METTL15: variants seen among roughly 807,000 people sequenced by gnomAD.
METTL15 encodes methyltransferase 15, mitochondrial 12S rRNA N4-cytidine, also known as 12S rRNA N(4)-cytidine methyltransferase METTL15.
A neutral mutation model predicts 38.3 loss-of-function variants in METTL15; 34 were observed. The observed-to-expected ratio is 0.89, with a 90% CI of 0.68 to 1.18. The LOEUF (loss-of-function observed/expected upper bound fraction) is 1.18. Ranked by LOEUF, METTL15 falls within the 50% of genes most tolerant of loss-of-function variation. METTL15 has a pLI of 0.00. For synonymous variants in METTL15, 162 were observed against 170.9 expected (o/e 0.95, Z 0.41); for missense variants, 438 against 498.4 (o/e 0.88, Z 1.15).
At chr11:28,238,326 C>T (rs879622424) in intron 4 of METTL15, among the ~76,000 whole-genome samples, 1 of 152,326 alleles carries the variant, frequency 6.6e-6, no homozygotes, top group South Asian at 2.1e-4. Flanking sequence ...GCCCCTCCCC[C>T]AGCCTGGCTG....
At chr11:28,190,992 C>A (rs1240145561) in intron 3 of METTL15, among the ~76,000 whole-genome samples, 1 of 151,266 alleles carries the variant, frequency 6.6e-6, no homozygotes, top group Non-Finnish European at 1.5e-5. Flanking sequence ...ACTGAGCCTA[C>A]TAATAAGTTT....
chr11:28,374,397 T>A (rs945889507), intron 5 of METTL15, among the ~76,000 whole-genome samples: 53 of 151,926 alleles, frequency 3.5e-4, no homozygotes, highest in African/African-American at 5.1e-4. Context: ...TGTAAGTTGG[T>A]TTCCTAGGTA....
chr11:28,219,072 A>C (rs1481726604), intron 4 of METTL15, among the ~76,000 whole-genome samples: 1 of 152,210 alleles, frequency 6.6e-6, no homozygotes, highest in African/African-American at 2.4e-5. Context: ...TGCTGGCCTC[A>C]TAAAATGAGT....
chr11:28,117,133 A>G (rs1216964387), intron 3 of METTL15, among the ~76,000 whole-genome samples: 3 of 151,964 alleles, frequency 2.0e-5, no homozygotes, highest in African/African-American at 7.3e-5. Context: ...GGTAACAATT[A>G]AAATCCATAC....
At chr11:28,214,374 G>A (rs1191228374) in intron 4 of METTL15, among the ~76,000 whole-genome samples, 1 of 152,018 alleles carries the variant, frequency 6.6e-6, no homozygotes, top group Non-Finnish European at 1.5e-5. Context: ...AAAGGAAAAA[G>A]GTCTAAGTTT....
chr11:28,155,208 T>C (rs1213421012), intron 3 of METTL15, among the ~76,000 whole-genome samples: 1 of 152,188 alleles, frequency 6.6e-6, no homozygotes, highest in Non-Finnish European at 1.5e-5. Context: ...TTAGATCCAA[T>C]ACATCCCCAT....
intron 3 of METTL15, among the ~76,000 whole-genome samples, chr11:28,133,694 A>T (rs1307356339): frequency 6.6e-6 from 1 of 152,132 alleles, no homozygotes; most frequent in East Asian, 1.9e-4. Context: ...AGGCCTATGT[A>T]GAGTGGAATT....
chr11:28,323,528 A>G (rs1849537275), intron 6 of METTL15, among the ~76,000 whole-genome samples: 1 of 152,202 alleles, frequency 6.6e-6, no homozygotes, highest in South Asian at 2.1e-4. Flanking sequence ...ACTCAGGGCT[A>G]TGAAGGTAGA....
chr11:28,483,558 A>G (rs1183795932), intron 6 of METTL15, among the ~76,000 whole-genome samples: 1 of 152,106 alleles, frequency 6.6e-6, no homozygotes, highest in African/African-American at 2.4e-5. Context: ...GGGATCTGCA[A>G]ACTTTCTCTG....
rs79857126 is a variant in METTL15, at chr11:28,511,238, A to C, written c.*425-15240A>C. On this transcript the variant is annotated intron_variant and NMD_transcript_variant, in intron 6 of 7. Transcript: ENST00000532947. The stretch of plus-strand genomic sequence containing the variant: ...ATGTTTAAATTTTGACTCTCCCCAA[A>C]ACTTAACTACTAATAGCCTGGTGTT... Among the ~76,000 whole-genome samples, 591 of 152,256 alleles carry C rather than the reference A, an allele frequency of 3.9e-3. 6 individuals are homozygous for C. Among genetic ancestry groups the C allele is most frequent in the African/African-American group, 0.014 (561 of 41,536 alleles).
downstream of METTL15, among the ~76,000 whole-genome samples, chr11:28,531,183 T>C (rs1564957849): frequency 6.6e-6 from 1 of 152,072 alleles, no homozygotes; most frequent in Non-Finnish European, 1.5e-5. Context: ...TACTATATAA[T>C]CTGATGCTAT....
chr11:28,413,568 G>A (rs1230745676), intron 5 of METTL15, among the ~76,000 whole-genome samples: 1 of 152,118 alleles, frequency 6.6e-6, no homozygotes, highest in Non-Finnish European at 1.5e-5. Flanking sequence ...CTTATGAATT[G>A]CTGAGCATTT....
intron 6 of METTL15, among the ~76,000 whole-genome samples, chr11:28,320,416 T>G (rs1039503906): frequency 2.0e-5 from 3 of 151,874 alleles, no homozygotes; most frequent in Non-Finnish European, 4.4e-5. Context: ...AAAAATTAGC[T>G]GGGTGTGGTG....
At chr11:28,140,304 A>G (rs548294869) in intron 3 of METTL15, among the ~76,000 whole-genome samples, 1 of 152,322 alleles carries the variant, frequency 6.6e-6, no homozygotes, top group South Asian at 2.1e-4. Context: ...ATCCTGGAAC[A>G]AAAGAAGGAA....
intron 4 of METTL15, among the ~76,000 whole-genome samples, chr11:28,237,332 C>G (rs945727319): frequency 4.6e-5 from 7 of 152,148 alleles, no homozygotes; most frequent in Non-Finnish European, 7.4e-5. Context: ...AACTTCCCTT[C>G]TCGCTTCATT....
rs534384226 is a variant in METTL15 at position 28,129,831 on chromosome 11, T to G, written c.270+16227T>G. On this transcript the variant is annotated intron_variant, in intron 3 of 6. Coordinates refer to ENST00000407364, the MANE Select transcript of METTL15 (RefSeq NM_001113528.2). Reference sequence around the variant, plus strand: ...GGGGATCTGGGGATTGCTAAAATAGTGAGTGAATAAGTGTGGAGGGGATAA... The same window carrying G: ...GGGGATCTGGGGATTGCTAAAATAGGGAGTGAATAAGTGTGGAGGGGATAA... Among the ~76,000 whole-genome samples the G allele has an allele frequency of 3.9e-5, 6 of 152,282 alleles. No homozygotes were observed. In the South Asian group the frequency reaches 1.0e-3, roughly 26 times the overall value.
chr11:28,136,051 T>C (rs1849503115), intron 3 of METTL15, among the ~76,000 whole-genome samples: 1 of 152,160 alleles, frequency 6.6e-6, no homozygotes, highest in African/African-American at 2.4e-5. Context: ...CCTGTCAAAG[T>C]ACTATATCTG....
chr11:28,464,981 G>A (rs560784157), intron 6 of METTL15, among the ~76,000 whole-genome samples: 4 of 152,286 alleles, frequency 2.6e-5, no homozygotes, highest in East Asian at 3.9e-4. Flanking sequence ...CTTCTTGGAA[G>A]ATCTGGTCAC....
intron 3 of METTL15, among the ~76,000 whole-genome samples, chr11:28,124,388 A>G (rs527353786): frequency 2.0e-5 from 3 of 152,214 alleles, no homozygotes; most frequent in Admixed American, 6.5e-5. Context: ...TCTTGTCTTC[A>G]TAACCCTCTG....
Sources: gnomAD v4.1 joint callset for allele counts (sites outside exome capture counted in the v4.1 genomes callset) on GRCh38, gnomAD v4.1.1 for gene constraint, MANE v1.5 for transcripts, NCBI Gene and HGNC (gene_info 2026-07-23, HGNC 2026-07-21) for gene names.